The following DOCK1 variants were observed in gnomAD, a reference collection of about 807,000 sequenced individuals.
The protein encoded by DOCK1 is dedicator of cytokinesis protein 1.
DOCK1 carries 138 observed loss-of-function variants against 262.7 expected under a neutral mutation model. That is an observed-to-expected ratio of 0.53 (90% CI 0.46 to 0.61). The LOEUF (loss-of-function observed/expected upper bound fraction) is 0.61, where lower values mean the gene tolerates loss of function less well. DOCK1 is among the 20% of genes least tolerant of loss of function. The pLI is 0.00. For synonymous variants in DOCK1, 866 were observed against 867.4 expected (o/e 1.00, Z 0.03); for missense variants, 1,908 against 2,370.7 (o/e 0.80, Z 4.05).
At chr10:127,265,974 C>G (rs1208166809) in intron 29 of DOCK1, among the ~76,000 whole-genome samples, 1 of 152,172 alleles carries the variant, frequency 6.6e-6, no homozygotes, top group East Asian at 1.9e-4. Context: ...GAATTTGAGT[C>G]GTTGACCACA....
chr10:127,359,806 C>T (rs2064323566), intron 32 of DOCK1, among the ~76,000 whole-genome samples: 1 of 151,956 alleles, frequency 6.6e-6, no homozygotes, highest in Non-Finnish European at 1.5e-5. Context: ...TAATGATTCT[C>T]TTTACAGAAA....
intron 23 of DOCK1, among the ~76,000 whole-genome samples, chr10:127,092,183 C>T (rs2047575810): frequency 6.6e-6 from 1 of 152,176 alleles, no homozygotes; most frequent in Non-Finnish European, 1.5e-5. Flanking sequence ...TCTGGCTGGA[C>T]CGTAGACACA....
chr10:126,932,060 C>T (rs948988925), intron 1 of DOCK1, among the ~76,000 whole-genome samples: 10 of 152,172 alleles, frequency 6.6e-5, no homozygotes, highest in Admixed American at 2.0e-4. Flanking sequence ...TGAGATGCTA[C>T]GTATTGGATG....
chr10:127,152,342 C>T (rs1003908276), intron 27 of DOCK1, among the ~76,000 whole-genome samples: 1 of 152,228 alleles, frequency 6.6e-6, no homozygotes, highest in Non-Finnish European at 1.5e-5. Context: ...CTGTTGCTAT[C>T]ATTGAGTTTC....
intron 18 of DOCK1, among the ~76,000 whole-genome samples, chr10:127,036,969 C>T (rs1489110550): frequency 2.4e-5 from 3 of 122,566 alleles, no homozygotes; most frequent in Non-Finnish European, 3.3e-5. Flanking sequence ...AAGAGCGAAA[C>T]GCCATCTCAA....
chr10:126,921,586 G>A (rs2033202584), intron 1 of DOCK1, among the ~76,000 whole-genome samples: 2 of 152,164 alleles, frequency 1.3e-5, no homozygotes, highest in African/African-American at 2.4e-5. Context: ...CTTAGTGGGA[G>A]TGTCAGTCTG....
intron 1 of DOCK1, among the ~76,000 whole-genome samples, chr10:126,965,742 GT>G (rs2134608462): frequency 6.6e-6 from 1 of 152,118 alleles, no homozygotes; most frequent in African/African-American, 2.4e-5. Flanking sequence ...TTCATTAAAT[GT>G]TTTCTCTGCA....
At chr10:127,428,856 G>T (rs34683513) in intron 47 of DOCK1, among the ~76,000 whole-genome samples, 1,921 of 143,266 alleles carry the variant, frequency 0.013, 17 homozygotes, top group Non-Finnish European at 0.023. Flanking sequence ...GTGGATTGGG[G>T]TGTCGTGTGG....
intron 1 of DOCK1, among the ~76,000 whole-genome samples, chr10:126,910,572 G>A (rs1331904937): frequency 2.0e-5 from 3 of 152,084 alleles, no homozygotes; most frequent in Non-Finnish European, 4.4e-5. Flanking sequence ...AGCCAAATGC[G>A]GGTGTAAAAT....
At chr10:127,382,796 G>A (rs1024538288) in intron 37 of DOCK1, among the ~76,000 whole-genome samples, 2 of 152,304 alleles carry the variant, frequency 1.3e-5, no homozygotes, top group Admixed American at 1.3e-4. Flanking sequence ...ATGTGTGAAT[G>A]TAAAACATAT....
chr10:127,396,845 G>A (rs115583879), intron 38 of DOCK1, among the ~76,000 whole-genome samples: 2,897 of 152,096 alleles, frequency 0.019, 86 homozygotes, highest in East Asian at 0.12. Flanking sequence ...AGGACTTGCC[G>A]TGGAATAAAG....
At chr10:127,222,862 A>C (rs2058492982) in intron 27 of DOCK1, among the ~76,000 whole-genome samples, 1 of 132,674 alleles carries the variant, frequency 7.5e-6, no homozygotes, top group African/African-American at 2.6e-5. Context: ...TTTTTTGTGG[A>C]GATTAGGTCT....
intron 29 of DOCK1, among the ~76,000 whole-genome samples, chr10:127,285,929 C>A (rs997541414): frequency 6.6e-6 from 1 of 152,198 alleles, no homozygotes; most frequent in African/African-American, 2.4e-5. Flanking sequence ...TATCATTGGG[C>A]TATCACGAGC....
At chr10:127,074,550 A>G (rs1564783561) in intron 23 of DOCK1, among the ~76,000 whole-genome samples, 2 of 152,218 alleles carry the variant, frequency 1.3e-5, no homozygotes, top group Non-Finnish European at 1.5e-5. Context: ...GGGAAATCCT[A>G]TACATTCAAT....
chr10:127,345,288 A>G (rs974804199), intron 31 of DOCK1, among the ~76,000 whole-genome samples: 2 of 152,168 alleles, frequency 1.3e-5, no homozygotes, highest in Non-Finnish European at 2.9e-5. Context: ...TTCTTCTATA[A>G]TCATTAAAAA....
intron 19 of DOCK1, among the ~76,000 whole-genome samples, chr10:127,040,264 A>G (rs1564754463): frequency 6.6e-6 from 1 of 152,240 alleles, no homozygotes; most frequent in African/African-American, 2.4e-5. Flanking sequence ...ACAGATCCAC[A>G]TAGTTAGGAG....
chr10:126,985,366 C>T (rs1421428422), intron 4 of DOCK1, among the ~76,000 whole-genome samples: 1 of 152,136 alleles, frequency 6.6e-6, no homozygotes, highest in Non-Finnish European at 1.5e-5. Flanking sequence ...ATTGGGGTTA[C>T]ATATTCTTGA....
intron 29 of DOCK1, among the ~76,000 whole-genome samples, chr10:127,292,230 G>C (rs115055946): frequency 6.6e-6 from 1 of 151,864 alleles, no homozygotes; most frequent in Non-Finnish European, 1.5e-5. Context: ...TTTCGGGGGA[G>C]GGGGGGCCCA....
chr10:127,228,547 AGCCTTTG>A (rs2058724250), intron 27 of DOCK1, among the ~76,000 whole-genome samples: 1 of 152,176 alleles, frequency 6.6e-6, no homozygotes, highest in African/African-American at 2.4e-5. Context: ...GCTTGGTCGT[AGCCTTTG>A]CCATGTCTTT....
Sources: gnomAD v4.1 joint callset for allele counts (sites outside exome capture counted in the v4.1 genomes callset) on GRCh38, gnomAD v4.1.1 for gene constraint, MANE v1.5 for transcripts, NCBI Gene and HGNC (gene_info 2026-07-23, HGNC 2026-07-21) for gene names.